LPO: variants seen among roughly 807,000 people sequenced by gnomAD.
LPO encodes the protein salivary peroxidase.
A neutral mutation model predicts 68.4 loss-of-function variants in LPO; 70 were observed. The ratio of observed to expected loss-of-function variants is 1.02; its 90% CI spans 0.84 to 1.25. LPO has a LOEUF of 1.25. Ranked by LOEUF, LPO falls within the 50% of genes most tolerant of loss-of-function variation. The probability of loss-of-function intolerance (pLI) is 0.00; values close to 1 mark genes in which losing one functional copy is unlikely to be tolerated. For missense variants in LPO, 873 were observed against 908.4 expected (o/e 0.96, Z 0.50); for synonymous variants, 360 against 357.6 (o/e 1.01, Z -0.08).
chr17:58,243,024 C>A lies in LPO; in HGVS notation c.45C>A (p.Ile15=), dbSNP rs1567815872. Residue 15 remains isoleucine (I), a synonymous_variant, in exon 2 of 13, where the codon ATC becomes ATA. Coordinates refer to ENST00000262290, the MANE Select transcript of LPO (RefSeq NM_006151.3). Reference sequence around the variant, plus strand: ...TCCCAGCCCTCCTGGCTTCCCTCATCTTGCTTCAGGCTGCAGCATCTACCA... The same window carrying A: ...TCCCAGCCCTCCTGGCTTCCCTCATATTGCTTCAGGCTGCAGCATCTACCA... ...LHLPALLASL[I]LLQAAASTTR... The A allele has an allele frequency of 2.5e-6, 4 of 1,614,124 alleles. No individual in the cohort carries two copies. The highest frequency in any genetic ancestry group is 2.5e-6 in the Non-Finnish European group (3 of 1,180,036).
intron 3 of LPO, 79 bp downstream of exon 3, chr17:58,244,160 C>T (rs1969812477): frequency 8.1e-7 from 1 of 1,232,950 alleles, no homozygotes; most frequent in Non-Finnish European, 1.2e-6. Flanking sequence ...CTGTTCATGA[C>T]AAGCACATCT....
intron 8 of LPO, 120 bp downstream of exon 8, chr17:58,252,626 A>G: frequency 1.0e-6 from 1 of 985,090 alleles, no homozygotes; most frequent in African/African-American, 1.6e-5. Flanking sequence ...TGCTGTCCCT[A>G]GCAGTGGTCC....
At chr17:58,247,140 T>C (rs1188877954) in intron 3 of LPO, among the ~76,000 whole-genome samples, 1 of 152,176 alleles carries the variant, frequency 6.6e-6, no homozygotes, top group Non-Finnish European at 1.5e-5. Context: ...CCTGTGTCTG[T>C]CCAGCTCTAA....
chr17:58,247,818 C>T (rs1969880307), intron 4 of LPO, among the ~76,000 whole-genome samples, 180 bp downstream of exon 4: 2 of 152,186 alleles, frequency 1.3e-5, no homozygotes, highest in South Asian at 4.1e-4. Context: ...TAGAGGACAG[C>T]TAGGGCAATG....
intron 7 of LPO, chr17:58,251,087 T>G (rs1969951498): frequency 6.0e-6 from 1 of 167,062 alleles, no homozygotes; most frequent in Non-Finnish European, 1.3e-5. Context: ...GAGACCAGCC[T>G]GGCCAACATG....
intron 9 of LPO, among the ~76,000 whole-genome samples, chr17:58,262,288 G>C (rs1465447803): frequency 6.6e-6 from 1 of 152,182 alleles, no homozygotes; most frequent in Non-Finnish European, 1.5e-5. Context: ...ATTGGATTCA[G>C]GGTTGGTAGT....
chr17:58,247,105 A>G (rs964981566), intron 3 of LPO, among the ~76,000 whole-genome samples: 2 of 152,124 alleles, frequency 1.3e-5, no homozygotes, highest in African/African-American at 2.4e-5. Flanking sequence ...TAATTAAACC[A>G]ATCCTGGTGG....
chr17:58,241,113 CTTTTCTT>C (rs1165454073), intron 1 of LPO, among the ~76,000 whole-genome samples: 5 of 128,622 alleles, frequency 3.9e-5, no homozygotes, highest in South Asian at 2.5e-4. Flanking sequence ...TTGTTCTTTT[CTTTTCTT>C]TTTTCTTTTT....
At chr17:58,253,822 A>ATT (rs781252183) in intron 8 of LPO, among the ~76,000 whole-genome samples, 152 of 152,306 alleles carry the variant, frequency 1.0e-3, no homozygotes, top group Middle Eastern at 3.4e-3. Context: ...TTTTAAATAG[A>ATT]TTTCCTGGCC....
intron 10 of LPO, 93 bp downstream of exon 10, chr17:58,265,067 T>A: frequency 6.6e-7 from 1 of 1,524,770 alleles, no homozygotes; most frequent in South Asian, 1.2e-5. Context: ...TCCAAGCACT[T>A]TTACATGACC....
chr17:58,247,709 C>A, intron 4 of LPO, 71 bp downstream of exon 4: 1 of 1,514,514 alleles, frequency 6.6e-7, no homozygotes, highest in Non-Finnish European at 9.0e-7. Flanking sequence ...AGAGGCCACC[C>A]AAAGCTGCAC....
At chr17:58,255,272 G>A (rs1005387066) in intron 9 of LPO, among the ~76,000 whole-genome samples, 2 of 152,128 alleles carry the variant, frequency 1.3e-5, no homozygotes, top group South Asian at 4.1e-4. Context: ...CTTCACTCCC[G>A]GGACTGCTAC....
rs375737858 is a variant in LPO, at chr17:58,252,237, G to T, written c.836G>T (p.Arg279Leu). 2.5e-6 allele frequency: 4 copies of T among 1,613,958 alleles called. No homozygotes were observed. In the African/African-American group the frequency reaches 5.3e-5, roughly 22 times the overall value. Residue 279 changes from arginine to leucine, a missense_variant, in exon 8 of 13, where the codon CGA becomes CTA. Coordinates refer to ENST00000262290, the MANE Select transcript of LPO (RefSeq NM_006151.3). ...CAAGGGAAATGCATGCCTTTCTTCC[G>T]AGCTGGGTTCGTCTGCCCCACTCCA... is the stretch of plus-strand genomic sequence containing the variant. ...GTQGKCMPFF[R>L]AGFVCPTPPY...
intron 4 of LPO, 55 bp from the exon 5 acceptor site, chr17:58,249,005 G>A (rs1969903976): frequency 3.0e-6 from 4 of 1,355,516 alleles, no homozygotes; most frequent in Non-Finnish European, 4.2e-6. Context: ...TGCCTCCCAC[G>A]GGTGCCTGTG....
At chr17:58,258,735 C>T (rs776089760) in intron 9 of LPO, among the ~76,000 whole-genome samples, 10 of 152,224 alleles carry the variant, frequency 6.6e-5, no homozygotes, top group Admixed American at 1.3e-4. Flanking sequence ...AGCATCCTGA[C>T]GGTGTCACCA....
At chr17:58,266,830 G>A (rs1489045915) in intron 11 of LPO, among the ~76,000 whole-genome samples, 1 of 152,142 alleles carries the variant, frequency 6.6e-6, no homozygotes, top group Non-Finnish European at 1.5e-5. Context: ...AGAGAAAAGA[G>A]CATATATCTG....
chr17:58,267,237 G>A (rs755338778), intron 11 of LPO, 112 bp from the exon 12 acceptor site: 3 of 740,078 alleles, frequency 4.1e-6, no homozygotes, highest in Non-Finnish European at 6.7e-6. Context: ...CCATCCCAAA[G>A]GCTGTAAGCC....
At chr17:58,244,217 C>T in intron 3 of LPO, 136 bp downstream of exon 3, 4 of 686,542 alleles carry the variant, frequency 5.8e-6, no homozygotes, top group South Asian at 5.1e-5. Context: ...TAAAACTTAC[C>T]CTTCCATCCT....
chr17:58,245,223 T>G (rs1969831471), intron 3 of LPO, among the ~76,000 whole-genome samples: 1 of 151,956 alleles, frequency 6.6e-6, no homozygotes, highest in Non-Finnish European at 1.5e-5. Flanking sequence ...GAGAAGAGAG[T>G]GCAGTCTCCT....
Sources: gnomAD v4.1 joint callset for allele counts (sites outside exome capture counted in the v4.1 genomes callset) on GRCh38, gnomAD v4.1.1 for gene constraint, MANE v1.5 for transcripts, NCBI Gene and HGNC (gene_info 2026-07-23, HGNC 2026-07-21) for gene names.